Variants in JARID2 observed in about 807,000 individuals in gnomAD.
JARID2 encodes the protein protein Jumonji.
In JARID2, 21 loss-of-function variants were observed where a neutral mutation model predicts 125.6. That is an observed-to-expected ratio of 0.17 (90% CI 0.12 to 0.24). The LOEUF is 0.24. JARID2 is among the 10% of genes least tolerant of loss of function. The probability of loss-of-function intolerance (pLI) is 1.00; values close to 1 mark genes in which losing one functional copy is unlikely to be tolerated. For synonymous variants in JARID2, 736 were observed against 661.6 expected, an observed-to-expected ratio of 1.11 and a Z score of -1.73; for missense variants, 1,303 against 1,639.6, an observed-to-expected ratio of 0.79 and a Z score of 3.55.
chr6:15,347,367 A>C (rs1179891231), intron 1 of JARID2, among the ~76,000 whole-genome samples: 1 of 152,204 alleles, frequency 6.6e-6, no homozygotes, highest in Non-Finnish European at 1.5e-5. Flanking sequence ...GGAGAAGTGC[A>C]CATGCTTGAT....
intron 5 of JARID2, among the ~76,000 whole-genome samples, chr6:15,483,637 A>G (rs1394938458): frequency 1.3e-5 from 2 of 152,300 alleles, no homozygotes; most frequent in Non-Finnish European, 2.9e-5. Flanking sequence ...ATACCACTTT[A>G]TCTAAATAAA....
chr6:15,307,886 TAC>T (rs1402721272), intron 1 of JARID2, among the ~76,000 whole-genome samples: 1 of 152,228 alleles, frequency 6.6e-6, no homozygotes, highest in Non-Finnish European at 1.5e-5. Context: ...GTCCAAGAAA[TAC>T]AGACTCCCAG....
chr6:15,310,000 A>G (rs959081003), intron 1 of JARID2, among the ~76,000 whole-genome samples: 1 of 152,200 alleles, frequency 6.6e-6, no homozygotes, highest in Non-Finnish European at 1.5e-5. Context: ...GAAGAAAGTC[A>G]AGGAAGCAGC....
intron 1 of JARID2, among the ~76,000 whole-genome samples, chr6:15,291,226 C>A (rs1581376569): frequency 6.6e-6 from 1 of 152,158 alleles, no homozygotes. Flanking sequence ...TAGAGCGAGA[C>A]CCTGTCTCAA....
chr6:15,253,885 CAAGT>C (rs1170070581), intron 1 of JARID2, among the ~76,000 whole-genome samples: 3 of 152,050 alleles, frequency 2.0e-5, no homozygotes, highest in Non-Finnish European at 2.9e-5. Flanking sequence ...ATAGATGAGA[CAAGT>C]AAGGTGAAAA....
intron 1 of JARID2, among the ~76,000 whole-genome samples, chr6:15,357,049 G>A (rs539975095): frequency 3.3e-5 from 5 of 152,236 alleles, no homozygotes; most frequent in Admixed American, 3.3e-4. Flanking sequence ...AACTTTGTTC[G>A]TTTCACAGTT....
At position 15,496,753 on chromosome 6, in the gene JARID2, G is replaced by A; in HGVS notation, c.1528G>A (p.Gly510Ser). ...GGCCACGGCCGGGAAGAGCACGCCA[G>A]GCAGACAAGCACATGGCAAGGCGGA... ...KRATAGKSTP[G>S]RQAHGKADSA... The change falls in exon 7 of 18, where the codon GGC (glycine) becomes AGC (serine). Residue 510 changes from glycine to serine, a missense_variant. This residue lies in a region of JARID2 where 651 missense variants were observed against 581.6 expected (regional missense o/e 1.12). Transcript: ENST00000341776. 1 of 1,613,682 alleles carries A rather than the reference G, an allele frequency of 6.2e-7. No individual in the cohort carries two copies. The highest frequency in any genetic ancestry group is 8.5e-7 in the Non-Finnish European group (1 of 1,179,962).
chr6:15,401,517 T>C (rs1186092016), intron 2 of JARID2, among the ~76,000 whole-genome samples: 1 of 152,232 alleles, frequency 6.6e-6, no homozygotes, highest in African/African-American at 2.4e-5. Flanking sequence ...TCTGGTTTCC[T>C]TCATAAACAG....
At chr6:15,277,818 C>A (rs1360718801) in intron 1 of JARID2, among the ~76,000 whole-genome samples, 1 of 147,506 alleles carries the variant, frequency 6.8e-6, no homozygotes, top group East Asian at 2.0e-4. Context: ...CATGTAGTTG[C>A]AAAAGGCAAG....
chr6:15,459,259 A>G (rs2127656952), intron 4 of JARID2, among the ~76,000 whole-genome samples: 1 of 152,316 alleles, frequency 6.6e-6, no homozygotes, highest in East Asian at 1.9e-4. Context: ...TTTGATACCA[A>G]AATTCATGGA....
intron 3 of JARID2, among the ~76,000 whole-genome samples, chr6:15,434,183 A>G (rs1309046408): frequency 2.0e-5 from 3 of 151,656 alleles, no homozygotes; most frequent in Non-Finnish European, 4.4e-5. Context: ...TTTGTTGTAG[A>G]TCAGAGAATG....
chr6:15,296,449 T>A (rs192299540), intron 1 of JARID2, among the ~76,000 whole-genome samples: 2 of 152,292 alleles, frequency 1.3e-5, no homozygotes, highest in East Asian at 3.9e-4. Flanking sequence ...GGTTTTTTAA[T>A]GAAAAGTTGC....
chr6:15,248,844 A>AG (rs1759313507), intron 1 of JARID2: 1 of 896,318 alleles, frequency 1.1e-6, no homozygotes, highest in Non-Finnish European at 1.3e-6. Context: ...CGGCGGGGGG[A>AG]GGAGGGAGCT....
intron 1 of JARID2, among the ~76,000 whole-genome samples, chr6:15,357,707 A>G (rs1561811697): frequency 6.6e-6 from 1 of 152,186 alleles, no homozygotes; most frequent in Non-Finnish European, 1.5e-5. Context: ...TCAAATCTTT[A>G]AACTGTAGAT....
intron 3 of JARID2, among the ~76,000 whole-genome samples, chr6:15,446,950 G>A (rs75774976): frequency 0.023 from 3,571 of 152,256 alleles, 57 homozygotes; most frequent in Middle Eastern, 0.055. Flanking sequence ...GTGACCCAGG[G>A]TGGGTCTCAC....
Position 15,512,219 on chromosome 6 carries a change from G to C in JARID2, c.2964G>C (p.Glu988Asp). ...CCCTGTCTCCCCAGATCTCCCCGGA[G>C]GTGCTGTGCAAAGAGGGGATCAAGG... ...MLESNVMISP[E>D]VLCKEGIKVH... Residue 988 changes from glutamate to aspartate, a missense_variant, in exon 14 of 18, where the codon GAG (glutamate) becomes GAC (aspartate). Physicochemically the swap from Glu to Asp is conservative, Grantham distance 45 (BLOSUM62 2). This residue lies in a region of JARID2 where 190 missense variants were observed against 341.4 expected (regional missense o/e 0.56). Coordinates refer to ENST00000341776, the MANE Select transcript of JARID2 (RefSeq NM_004973.4). 2 of 1,614,082 alleles carry C rather than the reference G, an allele frequency of 1.2e-6. No homozygotes were observed. The highest frequency in any genetic ancestry group is 1.7e-6 in the Non-Finnish European group (2 of 1,179,958).
At chr6:15,314,600 G>T (rs988326316) in intron 1 of JARID2, among the ~76,000 whole-genome samples, 9 of 152,134 alleles carry the variant, frequency 5.9e-5, no homozygotes, top group African/African-American at 2.2e-4. Flanking sequence ...TAATCAGTTT[G>T]GTGCTTGTGT....
At chr6:15,352,095 A>G (rs1763449430) in intron 1 of JARID2, among the ~76,000 whole-genome samples, 1 of 152,116 alleles carries the variant, frequency 6.6e-6, no homozygotes, top group Admixed American at 6.5e-5. Flanking sequence ...GACGTAAGGG[A>G]GGAACACAGC....
rs768387247 is a variant in JARID2 at position 15,410,256 on chromosome 6, G to A, written c.214G>A (p.Gly72Arg). 2 of 1,614,108 alleles carry A rather than the reference G, an allele frequency of 1.2e-6. No homozygotes were observed. Among genetic ancestry groups the A allele is most frequent in the East Asian group, 4.5e-5 (2 of 44,886 alleles). Residue 72 changes from glycine (G) to arginine (R), a missense_variant, in exon 3 of 18, where the codon GGA becomes AGA. Transcript: ENST00000341776. ...TGGTAATGACCAGTCTAAGGGATTA[G>A]GACCAGCATCAGAACAGTCAGAGAA... Reference protein sequence around the residue: ...LLGNDQSKGLGPASEQSENEK... With the variant: ...LLGNDQSKGLRPASEQSENEK...
Sources: allele counts gnomAD v4.1 joint callset (sites outside exome capture counted in the v4.1 genomes callset), GRCh38; gene constraint gnomAD v4.1.1; regional missense constraint gnomAD v4.1.1; transcripts MANE v1.5; gene names NCBI Gene and HGNC (gene_info 2026-07-23, HGNC 2026-07-21).